MED13L: variants seen among roughly 807,000 people sequenced by gnomAD.
MED13L encodes mediator complex subunit 13L, also known as mediator of RNA polymerase II transcription subunit 13-like.
Under a neutral mutation model 220.9 loss-of-function variants are expected in MED13L, and 7 were observed. The ratio of observed to expected loss-of-function variants is 0.03; its 90% CI spans 0.02 to 0.06. MED13L has a LOEUF of 0.06. Ranked by LOEUF, MED13L falls within the 10% of genes least tolerant of loss-of-function variation. The pLI, the probability that MED13L is intolerant of heterozygous loss-of-function variation, is 1.00. For synonymous variants in MED13L, 1,011 were observed against 1,015.2 expected (o/e 1.00, Z 0.08); for missense variants, 1,965 against 2,760.5 (o/e 0.71, Z 6.46).
chr12:116,046,082 T>C (rs374299889), intron 4 of MED13L, among the ~76,000 whole-genome samples: 4 of 152,278 alleles, frequency 2.6e-5, no homozygotes, highest in Middle Eastern at 6.8e-3. Flanking sequence ...TGCAGTCTTA[T>C]CATTCTCTAA....
chr12:115,977,848 A>G (rs1480310258), intron 23 of MED13L, among the ~76,000 whole-genome samples: 1 of 152,136 alleles, frequency 6.6e-6, no homozygotes, highest in Non-Finnish European at 1.5e-5. Context: ...ACAAAAATTT[A>G]GCGAGGCACG....
chr12:116,226,436 A>C (rs1869004517), intron 2 of MED13L, among the ~76,000 whole-genome samples: 1 of 152,222 alleles, frequency 6.6e-6, no homozygotes, highest in Non-Finnish European at 1.5e-5. Context: ...ATTTACATAG[A>C]TGGAGCTTAA....
intron 2 of MED13L, among the ~76,000 whole-genome samples, chr12:116,233,888 G>GT (rs1416172310): frequency 6.6e-6 from 1 of 152,138 alleles, no homozygotes; most frequent in African/African-American, 2.4e-5. Context: ...TTATAAATGT[G>GT]TTATAGCCTT....
intron 4 of MED13L, among the ~76,000 whole-genome samples, chr12:116,074,009 G>A (rs979039713): frequency 1.3e-5 from 2 of 152,144 alleles, no homozygotes; most frequent in Admixed American, 1.3e-4. Context: ...TATCAAAGCC[G>A]TTTTCTCACG....
chr12:116,001,684 A>G (rs1457860958), intron 14 of MED13L, among the ~76,000 whole-genome samples: 1 of 152,130 alleles, frequency 6.6e-6, no homozygotes, highest in Non-Finnish European at 1.5e-5. Context: ...CATTAAAATG[A>G]TCCTCTGTAT....
chr12:116,141,692 G>C (rs1041755568), intron 2 of MED13L, among the ~76,000 whole-genome samples: 1 of 152,054 alleles, frequency 6.6e-6, no homozygotes, highest in East Asian at 1.9e-4. Context: ...CATCAACCTG[G>C]ATCATGACAA....
At chr12:116,172,407 T>A (rs1362177610) in intron 2 of MED13L, among the ~76,000 whole-genome samples, 1 of 152,180 alleles carries the variant, frequency 6.6e-6, no homozygotes, top group Non-Finnish European at 1.5e-5. Context: ...CCGCAGATAT[T>A]TTTTTGGCCA....
chr12:115,989,746 C>T (rs1345946669), intron 17 of MED13L, among the ~76,000 whole-genome samples: 4 of 152,172 alleles, frequency 2.6e-5, no homozygotes, highest in South Asian at 2.1e-4. Flanking sequence ...CAACATCTCT[C>T]TTTCCCTTAT....
intron 2 of MED13L, among the ~76,000 whole-genome samples, chr12:116,205,262 C>T (rs1004754781): frequency 6.6e-5 from 10 of 151,872 alleles, no homozygotes; most frequent in South Asian, 2.1e-4. Context: ...CAACAATACA[C>T]GATAAATGAG....
chr12:116,182,098 T>G (rs1880569210), intron 2 of MED13L, among the ~76,000 whole-genome samples: 1 of 152,162 alleles, frequency 6.6e-6, no homozygotes, highest in Non-Finnish European at 1.5e-5. Flanking sequence ...TCAATTCTAT[T>G]GCCAGTCATT....
intron 2 of MED13L, among the ~76,000 whole-genome samples, chr12:116,142,279 C>T (rs2138052935): frequency 6.6e-6 from 1 of 152,320 alleles, no homozygotes; most frequent in East Asian, 1.9e-4. Flanking sequence ...ACTTTATTCT[C>T]AAAGCTTCAA....
At chr12:116,235,809 T>C (rs528373060) in intron 2 of MED13L, among the ~76,000 whole-genome samples, 1 of 152,280 alleles carries the variant, frequency 6.6e-6, no homozygotes, top group South Asian at 2.1e-4. Context: ...TATTATCAAC[T>C]AAATAACCCT....
At chr12:116,121,831 T>C (rs1037920839) in intron 2 of MED13L, among the ~76,000 whole-genome samples, 2 of 152,166 alleles carry the variant, frequency 1.3e-5, no homozygotes, top group East Asian at 1.9e-4. Flanking sequence ...AGCAACGGCA[T>C]TGGCCACTGC....
At chr12:116,159,815 ATCT>A (rs1296640284) in intron 2 of MED13L, among the ~76,000 whole-genome samples, 1 of 150,562 alleles carries the variant, frequency 6.6e-6, no homozygotes, top group African/African-American at 2.5e-5. Context: ...TTTAAATTAA[ATCT>A]TCAACTTTAC....
intron 17 of MED13L, 125 bp from the exon 18 acceptor site, chr12:115,987,413 T>C (rs1877768062): frequency 1.1e-6 from 1 of 876,026 alleles, no homozygotes. Context: ...GATTCTAAAA[T>C]ATTTGACTTA....
intron 1 of MED13L, among the ~76,000 whole-genome samples, chr12:116,271,509 G>A (rs939662707): frequency 6.6e-6 from 1 of 151,570 alleles, no homozygotes; most frequent in African/African-American, 2.4e-5. Flanking sequence ...CAGGAGAATG[G>A]CGTGAACCCG....
intron 4 of MED13L, among the ~76,000 whole-genome samples, chr12:116,044,972 G>A (rs1881746760): frequency 6.6e-6 from 1 of 152,064 alleles, no homozygotes. Context: ...TCTGTCAAAT[G>A]GTATGCAAAC....
chr12:115,971,416 TAAGG>T (rs956120824), intron 26 of MED13L, among the ~76,000 whole-genome samples: 10 of 152,214 alleles, frequency 6.6e-5, no homozygotes, highest in Non-Finnish European at 1.0e-4. Context: ...TTGACTTTTA[TAAGG>T]AATAAGTGGG....
chr12:116,080,894 A>G (rs550722654), intron 4 of MED13L, among the ~76,000 whole-genome samples: 1 of 152,364 alleles, frequency 6.6e-6, no homozygotes, highest in South Asian at 2.1e-4. Flanking sequence ...ATTTGTACTT[A>G]GTAACTAGAA....
Sources: allele counts gnomAD v4.1 joint callset (sites outside exome capture counted in the v4.1 genomes callset), GRCh38; gene constraint gnomAD v4.1.1; transcripts MANE v1.5; gene names NCBI Gene and HGNC (gene_info 2026-07-23, HGNC 2026-07-21).